Variants in TMPRSS11A observed in about 807,000 individuals in gnomAD.
The protein encoded by TMPRSS11A is transmembrane protease serine 11A.
Under a neutral mutation model 58.9 loss-of-function variants are expected in TMPRSS11A, and 53 were observed. The observed-to-expected ratio is 0.90, with a 90% CI of 0.72 to 1.13. The LOEUF is 1.13. Among genes scored for constraint, TMPRSS11A ranks in the 50% most tolerant of loss-of-function variants. TMPRSS11A has a pLI of 0.00. For missense variants in TMPRSS11A, 493 were observed against 499.3 expected (o/e 0.99, Z 0.12); for synonymous variants, 167 against 169.8 (o/e 0.98, Z 0.13).
At chr4:67,918,446 A>G (rs1207603189) in intron 8 of TMPRSS11A, among the ~76,000 whole-genome samples, 1 of 152,228 alleles carries the variant, frequency 6.6e-6, no homozygotes, top group Non-Finnish European at 1.5e-5. Flanking sequence ...ATTTTGCTAC[A>G]TAGGCATAAA....
chr4:67,919,606 A>G (rs1463181125), intron 7 of TMPRSS11A, among the ~76,000 whole-genome samples: 4 of 152,222 alleles, frequency 2.6e-5, no homozygotes. Context: ...AAGATTCCAG[A>G]GAAGGAAAAG....
At chr4:67,923,068 C>T (rs1720373183) in intron 6 of TMPRSS11A, 142 bp from the exon 7 acceptor site, 2 of 699,856 alleles carry the variant, frequency 2.9e-6, no homozygotes, top group Non-Finnish European at 4.8e-6. Context: ...GGATTCATGG[C>T]CTCTTCTCTC....
intron 1 of TMPRSS11A, among the ~76,000 whole-genome samples, chr4:67,960,617 T>C (rs1242309590): frequency 1.3e-5 from 2 of 152,236 alleles, no homozygotes; most frequent in East Asian, 3.8e-4. Context: ...TTTTAATTGA[T>C]AATTTATAAC....
intron 8 of TMPRSS11A, 78 bp from the exon 9 acceptor site, chr4:67,914,808 AT>A (rs541259705): frequency 2.4e-6 from 3 of 1,242,960 alleles, no homozygotes; most frequent in East Asian, 2.4e-5. Context: ...CTTTCCTAAT[AT>A]TTTTTTCATG....
At chr4:67,920,549 A>T (rs191291385) in intron 7 of TMPRSS11A, among the ~76,000 whole-genome samples, 5,455 of 130,820 alleles carry the variant, frequency 0.042, 132 homozygotes, top group South Asian at 0.088. Context: ...ATATATATAT[A>T]TTTTTTTTTA....
rs890600038 is a variant in TMPRSS11A at position 67,909,615 on chromosome 4, G to A, written c.*1727C>T. On this transcript the variant is annotated 3_prime_UTR_variant, in exon 10 of 10. Transcript: ENST00000508048. The stretch of plus-strand genomic sequence containing the variant: ...TATTTATATATGAAGAAGAAACTTT[G>A]TCTTGAAGTGAATTCAGAGAATTGG... The A allele has an allele frequency of 3.3e-5, 5 of 152,084 alleles. No individual in the cohort carries two copies. Among genetic ancestry groups the A allele is most frequent in the Non-Finnish European group, 7.4e-5 (5 of 67,988 alleles). The allele number at this position is 152,084 out of a possible 1,614,324, so 9.4% of individuals were successfully genotyped here.
chr4:67,914,844 G>T, intron 8 of TMPRSS11A, 114 bp from the exon 9 acceptor site: 1 of 814,408 alleles, frequency 1.2e-6, no homozygotes, highest in Non-Finnish European at 1.9e-6. Flanking sequence ...ACAGAATGAA[G>T]TTAATATAAG....
chr4:67,954,492 C>G (rs185250288), intron 1 of TMPRSS11A, among the ~76,000 whole-genome samples: 1 of 152,224 alleles, frequency 6.6e-6, no homozygotes, highest in Non-Finnish European at 1.5e-5. Context: ...CCTGCCCTCA[C>G]TCAGTTAAAG....
chr4:67,943,220 A>G (rs1024876700), intron 3 of TMPRSS11A, among the ~76,000 whole-genome samples: 4 of 152,184 alleles, frequency 2.6e-5, no homozygotes, highest in Admixed American at 1.3e-4. Flanking sequence ...TTTCTGTTCA[A>G]CATGCACCTC....
chr4:67,950,202 C>G lies in TMPRSS11A; in HGVS notation c.12-3631G>C, dbSNP rs550501879. 3.3e-5 allele frequency among the ~76,000 whole-genome samples: 5 copies of G among 152,298 alleles called. No individual in the cohort carries two copies. In the South Asian group the frequency reaches 1.0e-3, roughly 32 times the overall value. ...TCAAGGCTTTGATTGGGCCTGCTTT[C>G]TCATCTGAAATTTGTGATCCTCTTC... On this transcript the variant is annotated intron_variant, in intron 1 of 9. Transcript: ENST00000508048.
intron 5 of TMPRSS11A, among the ~76,000 whole-genome samples, chr4:67,924,579 A>C (rs1348017473): frequency 6.6e-6 from 1 of 152,158 alleles, no homozygotes; most frequent in East Asian, 1.9e-4. Context: ...AGACTGGGTA[A>C]TTTATAAAGA....
At position 67,919,199 on chromosome 4, in the gene TMPRSS11A, A is replaced by C. The variant is rs763692414; in HGVS notation, c.726T>G (p.Phe242Leu). 14 of 1,614,054 alleles carry C rather than the reference A, an allele frequency of 8.7e-6. No individual in the cohort carries two copies. Among genetic ancestry groups the C allele is most frequent in the Non-Finnish European group, 1.2e-5 (14 of 1,180,012 alleles). Residue 242 changes from phenylalanine (F) to leucine (L), a missense_variant, in exon 8 of 10, where the codon TTT becomes TTG. Coordinates refer to ENST00000508048, the MANE Select transcript of TMPRSS11A (RefSeq NM_001114387.2). ...YKNPHQWTVS[F>L]GTKINPPLMK... ...TTAAGGGAGGGTTGATTTTTGTTCC[A>C]AAACTAACAGTCCATTGATGTGGAT...
chr4:67,962,267 A>G (rs1721449654), intron 1 of TMPRSS11A, among the ~76,000 whole-genome samples: 1 of 152,154 alleles, frequency 6.6e-6, no homozygotes, highest in Admixed American at 6.6e-5. Flanking sequence ...CTATGTGATT[A>G]CTGAAGGACT....
intron 3 of TMPRSS11A, among the ~76,000 whole-genome samples, chr4:67,934,521 G>A (rs1247941834): frequency 1.3e-5 from 2 of 152,136 alleles, no homozygotes; most frequent in East Asian, 1.9e-4. Flanking sequence ...AATAGCATTA[G>A]CAATTTGTAA....
At chr4:67,962,838 G>C (rs1353452808) in intron 1 of TMPRSS11A, among the ~76,000 whole-genome samples, 4 of 152,132 alleles carry the variant, frequency 2.6e-5, no homozygotes, top group Admixed American at 2.0e-4. Context: ...GTAGAGAATA[G>C]GCATGTTTTC....
intron 3 of TMPRSS11A, among the ~76,000 whole-genome samples, chr4:67,940,418 A>G (rs759898462): frequency 1.3e-5 from 2 of 151,846 alleles, no homozygotes; most frequent in Non-Finnish European, 2.9e-5. Context: ...TTAAGTATGA[A>G]CTCAATATTG....
At chr4:67,935,887 C>T (rs765731842) in intron 3 of TMPRSS11A, among the ~76,000 whole-genome samples, 1 of 152,048 alleles carries the variant, frequency 6.6e-6, no homozygotes, top group Non-Finnish European at 1.5e-5. Context: ...GTGGAAAGCT[C>T]CTCCTTGGTA....
At chr4:67,940,312 G>T (rs564244549) in intron 3 of TMPRSS11A, among the ~76,000 whole-genome samples, 1 of 152,214 alleles carries the variant, frequency 6.6e-6, no homozygotes, top group Non-Finnish European at 1.5e-5. Flanking sequence ...ATTGGTCCTA[G>T]CTATTTCTTG....
intron 3 of TMPRSS11A, among the ~76,000 whole-genome samples, chr4:67,937,008 T>C (rs1720769890): frequency 6.6e-6 from 1 of 152,208 alleles, no homozygotes; most frequent in Admixed American, 6.5e-5. Flanking sequence ...TTTGTTGTCT[T>C]CTAAATCTCT....
Sources: gnomAD v4.1 joint callset for allele counts (sites outside exome capture counted in the v4.1 genomes callset) on GRCh38, gnomAD v4.1.1 for gene constraint, MANE v1.5 for transcripts, NCBI Gene and HGNC (gene_info 2026-07-23, HGNC 2026-07-21) for gene names.